NAALADL2: variants seen among roughly 807,000 people sequenced by gnomAD.
NAALADL2 encodes the protein inactive N-acetylated-alpha-linked acidic dipeptidase-like protein 2.
A neutral mutation model predicts 87.2 loss-of-function variants in NAALADL2; 76 were observed. That is an observed-to-expected ratio of 0.87 (90% CI 0.72 to 1.05). The LOEUF is 1.05. NAALADL2 is among the 50% of genes least tolerant of loss of function. The pLI is 0.00. For synonymous variants in NAALADL2, 354 were observed against 331.0 expected (o/e 1.07, Z -0.75); for missense variants, 1,089 against 945.8 (o/e 1.15, Z -1.99).
At chr3:175,160,312 T>G (rs1214248822) in intron 2 of NAALADL2, among the ~76,000 whole-genome samples, 4 of 150,626 alleles carry the variant, frequency 2.7e-5, no homozygotes, top group African/African-American at 9.7e-5. Context: ...TACAAAAGGC[T>G]TATAAGTAAA....
intron 11 of NAALADL2, among the ~76,000 whole-genome samples, chr3:175,728,147 G>A (rs1222230401): frequency 1.3e-5 from 2 of 152,080 alleles, no homozygotes; most frequent in Non-Finnish European, 2.9e-5. Flanking sequence ...GTCAAGGGGA[G>A]CAATGGAAAG....
chr3:175,076,500 G>A (rs1389554875), intron 1 of NAALADL2, among the ~76,000 whole-genome samples: 1 of 151,988 alleles, frequency 6.6e-6, no homozygotes, highest in Admixed American at 6.6e-5. Context: ...AACACAGAAG[G>A]CATCAAAGAA....
intron 3 of NAALADL2, among the ~76,000 whole-genome samples, chr3:174,749,663 T>G (rs1734630072): frequency 6.6e-6 from 1 of 152,170 alleles, no homozygotes; most frequent in South Asian, 2.1e-4. Context: ...TTTAATATTT[T>G]GCATTTTGAG....
At chr3:175,137,774 T>G (rs866681293) in intron 2 of NAALADL2, among the ~76,000 whole-genome samples, 21 of 150,358 alleles carry the variant, frequency 1.4e-4, no homozygotes, top group African/African-American at 4.9e-4. Flanking sequence ...AAGTTTGTTT[T>G]GTTTTGTTTT....
chr3:174,710,873 T>G (rs1332939597), intron 2 of NAALADL2, among the ~76,000 whole-genome samples: 7 of 152,228 alleles, frequency 4.6e-5, no homozygotes, highest in Admixed American at 1.3e-4. Flanking sequence ...TCAGCCTTGC[T>G]ATTTACTGAG....
At chr3:174,792,805 T>C (rs2109209577) in intron 3 of NAALADL2, among the ~76,000 whole-genome samples, 1 of 152,330 alleles carries the variant, frequency 6.6e-6, no homozygotes, top group Non-Finnish European at 1.5e-5. Flanking sequence ...TCTGGATTCA[T>C]AACTTCTAAG....
chr3:175,721,952 AT>A (rs1742297671), intron 11 of NAALADL2, among the ~76,000 whole-genome samples: 1 of 152,010 alleles, frequency 6.6e-6, no homozygotes, highest in South Asian at 2.1e-4. Flanking sequence ...CCATTTGCAT[AT>A]TTTTTGTATA....
chr3:175,460,275 T>A (rs1722918213), intron 6 of NAALADL2: 1 of 439,318 alleles, frequency 2.3e-6, no homozygotes, highest in Admixed American at 2.5e-5. Context: ...AAACAGACTC[T>A]ATGCATATTT....
At chr3:175,339,088 G>C (rs982274837) in intron 5 of NAALADL2, among the ~76,000 whole-genome samples, 1 of 152,192 alleles carries the variant, frequency 6.6e-6, no homozygotes, top group African/African-American at 2.4e-5. Context: ...ACTGCGGCAG[G>C]CACACTGTGC....
intron 1 of NAALADL2, among the ~76,000 whole-genome samples, chr3:174,541,918 AGC>A (rs2108468265): frequency 1.3e-4 from 1 of 7,502 alleles, no homozygotes; most frequent in Admixed American, 1.5e-3. Context: ...CCATTGAAGC[AGC>A]AGCAGCGTAC....
intron 3 of NAALADL2, among the ~76,000 whole-genome samples, chr3:174,790,848 A>G (rs1717379981): frequency 6.6e-6 from 1 of 152,086 alleles, no homozygotes. Context: ...TCTTATTATT[A>G]TTTACTATAG....
chr3:175,768,021 G>T (rs1337587559), intron 13 of NAALADL2, among the ~76,000 whole-genome samples: 1 of 152,078 alleles, frequency 6.6e-6, no homozygotes, highest in Admixed American at 6.6e-5. Flanking sequence ...GGTCCTTTAT[G>T]CCATTGTCCC....
chr3:175,654,958 TTGGAGAGATGAATTGTTTAC>T (rs1445671071), intron 11 of NAALADL2, among the ~76,000 whole-genome samples: 1 of 151,280 alleles, frequency 6.6e-6, no homozygotes, highest in Admixed American at 6.6e-5. Flanking sequence ...CTATGATGAA[TTGGAGAGATGAATTGTTTAC>T]TGGAGAGATG....
Position 175,553,089 on chromosome 3 carries a change from T to C in NAALADL2, c.1654-22952T>C, listed in dbSNP as rs536208659. ...TTATAGGTAGCTTGTTAAATATCCA[T>C]GTTTATGCTTATAGCTCAGTGTGTA... On this transcript the variant is annotated intron_variant, in intron 9 of 13. Transcript: ENST00000454872. Among the ~76,000 whole-genome samples the C allele has an allele frequency of 3.9e-5, 6 of 152,290 alleles. No individual in the cohort carries two copies. The South Asian group carries it at 8.3e-4, about 21-fold the overall frequency.
At chr3:175,265,568 T>C (rs1435350599) in intron 4 of NAALADL2, among the ~76,000 whole-genome samples, 2 of 151,622 alleles carry the variant, frequency 1.3e-5, no homozygotes, top group African/African-American at 4.8e-5. Flanking sequence ...CTAAGGAGCA[T>C]TAGGCAGCAG....
At chr3:175,435,550 A>G (rs181035560) in intron 5 of NAALADL2, among the ~76,000 whole-genome samples, 1 of 152,202 alleles carries the variant, frequency 6.6e-6, no homozygotes, top group Admixed American at 6.6e-5. Flanking sequence ...TTGACTGTCA[A>G]GTTTAGCACA....
At chr3:175,437,831 G>A (rs1463944912) in intron 5 of NAALADL2, among the ~76,000 whole-genome samples, 6 of 152,032 alleles carry the variant, frequency 3.9e-5, no homozygotes, top group Non-Finnish European at 8.8e-5. Flanking sequence ...GTATCAGAAT[G>A]CATATTTTGC....
chr3:174,543,771 G>T (rs1255183871), intron 1 of NAALADL2, among the ~76,000 whole-genome samples: 1 of 152,108 alleles, frequency 6.6e-6, no homozygotes, highest in African/African-American at 2.4e-5. Flanking sequence ...ACTTTGGGAG[G>T]CCTAGGTGGG....
intron 2 of NAALADL2, among the ~76,000 whole-genome samples, chr3:174,633,305 A>C (rs1015044917): frequency 6.6e-6 from 1 of 152,248 alleles, no homozygotes; most frequent in African/African-American, 2.4e-5. Context: ...TATTCTTTAA[A>C]AATGGATACA....
Sources: gnomAD v4.1 joint callset for allele counts (sites outside exome capture counted in the v4.1 genomes callset) on GRCh38, gnomAD v4.1.1 for gene constraint, MANE v1.5 for transcripts, NCBI Gene and HGNC (gene_info 2026-07-23, HGNC 2026-07-21) for gene names.